ATPAF2: variants seen among roughly 807,000 people sequenced by gnomAD.
The protein encoded by ATPAF2 is ATP12 homolog.
A neutral mutation model predicts 36.6 loss-of-function variants in ATPAF2; 30 were observed. The ratio of observed to expected loss-of-function variants is 0.82; its 90% CI spans 0.61 to 1.11. The LOEUF is 1.11. Ranked by LOEUF, ATPAF2 falls within the 50% of genes most tolerant of loss-of-function variation. ATPAF2 has a pLI of 0.00. For missense variants in ATPAF2, 321 were observed against 372.3 expected (o/e 0.86, Z 1.13); for synonymous variants, 140 against 152.6 (o/e 0.92, Z 0.61).
intron 1 of ATPAF2, among the ~76,000 whole-genome samples, chr17:18,034,976 C>G (rs998417184): frequency 2.0e-5 from 3 of 152,318 alleles, no homozygotes; most frequent in Admixed American, 6.5e-5. Flanking sequence ...GTGGCTCACT[C>G]CTGTAATCCC....
In ATPAF2 at chr17:18,026,411, T is replaced by C. The variant is rs781532165; in HGVS notation, c.330A>G (p.Thr110=). 8 of 1,614,154 alleles carry C rather than the reference T, an allele frequency of 5.0e-6. No individual in the cohort carries two copies. The highest frequency in any genetic ancestry group is 1.1e-5 in the South Asian group (1 of 91,084). The change falls in exon 4 of 8, where the codon ACA becomes ACG. Residue 110 remains threonine, a synonymous_variant. Coordinates refer to ENST00000474627, the MANE Select transcript of ATPAF2 (RefSeq NM_145691.4). ...TIKYYTMHLT[T]LCNTSLDNPT... ...GGTTGTCCAATGATGTGTTGCACAA[T>C]GTGGTCTGAATCAAAGGCAAAAACC...
At chr17:18,023,626 T>C (rs911361608) in intron 5 of ATPAF2, among the ~76,000 whole-genome samples, 4 of 152,230 alleles carry the variant, frequency 2.6e-5, no homozygotes, top group African/African-American at 9.6e-5. Flanking sequence ...GACACTGTTT[T>C]GTCACATTCC....
chr17:18,024,559 T>G, intron 5 of ATPAF2, 65 bp downstream of exon 5: 2 of 1,388,382 alleles, frequency 1.4e-6, no homozygotes, highest in Non-Finnish European at 2.0e-6. Flanking sequence ...CGTGACCCCC[T>G]GACCCCTACA....
rs2044548576 is a variant in ATPAF2, at chr17:18,026,552, C to T, written c.325-136G>A. 1.1e-5 allele frequency: 8 copies of T among 750,168 alleles called. 1 individual carries two copies. The highest frequency in any genetic ancestry group is 4.3e-5 in the South Asian group (3 of 70,020). 46.5% of individuals were successfully genotyped at this position (750,168 alleles called of 1,614,324 possible). A position where few individuals can be genotyped will look rare whatever the true frequency, so the allele number is the denominator to read the frequency against. On this transcript the variant is annotated intron_variant, in intron 3 of 7. Coordinates refer to ENST00000474627, the MANE Select transcript of ATPAF2 (RefSeq NM_145691.4). The stretch of plus-strand genomic sequence containing the variant: ...CCTCCACCAGAGGCGTCTGCATTAC[C>T]GGAGCAGCAGCACAGCTACTGAGAG...
At chr17:18,020,135 G>A (rs2044449027) in intron 7 of ATPAF2, among the ~76,000 whole-genome samples, 1 of 144,402 alleles carries the variant, frequency 6.9e-6, no homozygotes, top group South Asian at 2.3e-4. Flanking sequence ...TACCATATTA[G>A]GGACCAATTC....
In ATPAF2 at chr17:18,024,691, C is replaced by T. The variant is rs1424977880; in HGVS notation, c.436G>A (p.Glu146Lys). The change falls in exon 5 of 8, where the codon GAG (glutamate) becomes AAG (lysine). Residue 146 changes from glutamate (E) to lysine (K), a missense_variant. By Grantham distance (56) the Glu-to-Lys change is moderately conservative. This residue lies in a region of ATPAF2 where 199 missense variants were observed against 220.6 expected (regional missense o/e 0.90). Coordinates refer to ENST00000474627, the MANE Select transcript of ATPAF2 (RefSeq NM_145691.4). ...DTDTICYRVE[E>K]PETLVELQRN... is the part of the protein sequence containing the mutation. ...TGAAGTTCCACTAATGTCTCGGGCT[C>T]CTCCACCCTGTAGCTAATTCATTGT... 3 of 1,613,582 alleles carry T rather than the reference C, an allele frequency of 1.9e-6. No homozygotes were observed. The highest frequency in any genetic ancestry group is 2.5e-6 in the Non-Finnish European group (3 of 1,179,532).
intron 3 of ATPAF2, 23 bp downstream of exon 3, chr17:18,028,209 G>A (rs776542199): frequency 6.2e-7 from 1 of 1,614,138 alleles, no homozygotes; most frequent in Non-Finnish European, 8.5e-7. Flanking sequence ...TCAGGGTCCA[G>A]GTTCACACTG....
At position 18,024,643 on chromosome 17, in the gene ATPAF2, T is replaced by C. The variant is rs777287048; in HGVS notation, c.484A>G (p.Ile162Val). 6.2e-7 allele frequency: 1 copy of C among 1,614,116 alleles called. No homozygotes were observed. Among genetic ancestry groups the C allele is most frequent in the South Asian group, 1.1e-5 (1 of 91,082 alleles). Reference sequence around the variant, plus strand: ...TCTTACCTTTTCTCAGCCCATTCGATGATTGGATCCCACTCATTCCTTTGA... The same window carrying C: ...TCTTACCTTTTCTCAGCCCATTCGACGATTGGATCCCACTCATTCCTTTGA... ...ELQRNEWDPIIEWAEKRYGVE... is the reference protein window; with the variant it reads ...ELQRNEWDPIVEWAEKRYGVE... The change falls in exon 5 of 8, where the codon ATC (isoleucine) becomes GTC (valine). Residue 162 changes from isoleucine to valine, a missense_variant. Physicochemically the swap from Ile to Val is conservative, Grantham distance 29. This residue lies in a region of ATPAF2 where 199 missense variants were observed against 220.6 expected (regional missense o/e 0.90). Coordinates refer to ENST00000474627, the MANE Select transcript of ATPAF2 (RefSeq NM_145691.4).
chr17:18,035,095 G>A (rs1809081445), intron 1 of ATPAF2, among the ~76,000 whole-genome samples: 1 of 152,122 alleles, frequency 6.6e-6, no homozygotes, highest in South Asian at 2.1e-4. Context: ...CGGGCATGGT[G>A]GTGTGTGCCT....
intron 1 of ATPAF2, among the ~76,000 whole-genome samples, chr17:18,037,520 G>A (rs945341652): frequency 5.3e-5 from 8 of 152,112 alleles, no homozygotes; most frequent in African/African-American, 1.7e-4. Flanking sequence ...GGAGGCGGAG[G>A]TTGCAGTGAG....
intron 3 of ATPAF2, among the ~76,000 whole-genome samples, chr17:18,027,493 T>C (rs988953397): frequency 6.6e-6 from 1 of 152,156 alleles, no homozygotes; most frequent in Non-Finnish European, 1.5e-5. Flanking sequence ...TTGCATCATC[T>C]CATCTCATCC....
chr17:18,016,972 GACC>G (rs1170425400), downstream of ATPAF2: 1 of 213,086 alleles, frequency 4.7e-6, no homozygotes, highest in Non-Finnish European at 9.6e-6. Flanking sequence ...AGGAGTTCGA[GACC>G]AGCCTGACCA....
chr17:18,022,470 T>TTC (rs1467814243), intron 5 of ATPAF2, among the ~76,000 whole-genome samples: 5 of 152,022 alleles, frequency 3.3e-5, no homozygotes, highest in African/African-American at 1.2e-4. Flanking sequence ...GAGACAGAGT[T>TTC]TCACCATGTT....
At position 18,027,001 on chromosome 17, in the gene ATPAF2, A is replaced by G. The variant is rs1597671312; in HGVS notation, c.325-585T>C. Among the ~76,000 whole-genome samples, 3 of 152,048 alleles carry G rather than the reference A, an allele frequency of 2.0e-5. 1 individual carries two copies. In the South Asian group the frequency reaches 6.2e-4, roughly 32 times the overall value. ...TTTGGGAGGCTGAGGTGGGCAGATC[A>G]CCTGAGGTCAGGAGTTCAAGACCAG... is the stretch of plus-strand genomic sequence containing the variant. On this transcript the variant is annotated intron_variant, in intron 3 of 7. Coordinates refer to ENST00000474627, the MANE Select transcript of ATPAF2 (RefSeq NM_145691.4).
intron 6 of ATPAF2, 107 bp from the exon 7 acceptor site, chr17:18,021,345 G>A (rs2044466642): frequency 1.2e-6 from 1 of 844,084 alleles, no homozygotes; most frequent in Non-Finnish European, 2.0e-6. Context: ...GTGGTGCAAA[G>A]AGCCATCCAG....
rs1158631186 is a variant in ATPAF2, at chr17:18,018,659, C to A, written c.760G>T (p.Ala254Ser). ...QIQKWGNIEW[A>S]HDYELQELRA... The stretch of plus-strand genomic sequence containing the variant: ...AGCTCCTGCAGCTCATAGTCATGGG[C>A]CCACTCAATGTTGCCCCACTTCTGG... Residue 254 changes from alanine to serine, a missense_variant, in exon 8 of 8, where the codon GCC becomes TCC. Physicochemically the swap from Ala to Ser is moderately conservative, Grantham distance 99 (BLOSUM62 1). This residue lies in a region of ATPAF2 where 199 missense variants were observed against 220.6 expected (regional missense o/e 0.90). Coordinates refer to ENST00000474627, the MANE Select transcript of ATPAF2 (RefSeq NM_145691.4). 1 of 1,614,022 alleles carries A rather than the reference C, an allele frequency of 6.2e-7. No homozygotes were observed. The highest frequency in any genetic ancestry group is 8.5e-7 in the Non-Finnish European group (1 of 1,180,014).
At chr17:18,032,621 A>G (rs571777424) in intron 1 of ATPAF2, among the ~76,000 whole-genome samples, 66 of 152,278 alleles carry the variant, frequency 4.3e-4, no homozygotes, top group African/African-American at 1.5e-3. Flanking sequence ...GTGAGTACTG[A>G]TCATGTTCCA....
At chr17:18,019,939 T>C (rs539366763) in intron 7 of ATPAF2, among the ~76,000 whole-genome samples, 2 of 152,368 alleles carry the variant, frequency 1.3e-5, no homozygotes, top group East Asian at 3.9e-4. Flanking sequence ...GAGCCCAGAC[T>C]GGCTTCCCAC....
downstream of ATPAF2, chr17:18,016,622 AC>A (rs1178696710): frequency 6.2e-7 from 1 of 1,613,906 alleles, no homozygotes; most frequent in Non-Finnish European, 8.5e-7. Flanking sequence ...TACATCGACC[AC>A]ATGCAGAGCG....
Sources: allele counts gnomAD v4.1 joint callset (sites outside exome capture counted in the v4.1 genomes callset), GRCh38; gene constraint gnomAD v4.1.1; regional missense constraint gnomAD v4.1.1; transcripts MANE v1.5; gene names NCBI Gene and HGNC (gene_info 2026-07-23, HGNC 2026-07-21).